The following ARAP1 variants were observed in gnomAD, a reference collection of about 807,000 sequenced individuals.
ARAP1 encodes the protein ArfGAP with RhoGAP domain, ankyrin repeat and PH domain 1.
A neutral mutation model predicts 172.2 loss-of-function variants in ARAP1; 76 were observed. The observed-to-expected ratio is 0.44, with a 90% CI of 0.37 to 0.53. The LOEUF (loss-of-function observed/expected upper bound fraction) is 0.53, where lower values mean the gene tolerates loss of function less well. ARAP1 is among the 20% of genes least tolerant of loss of function. The pLI is 0.00. For synonymous variants in ARAP1, 804 were observed against 803.3 expected, an observed-to-expected ratio of 1.00 and a Z score of -0.01; for missense variants, 1,686 against 1,977.5, an observed-to-expected ratio of 0.85 and a Z score of 2.80.
chr11:72,732,318 C>T (rs1857892292), intron 2 of ARAP1, among the ~76,000 whole-genome samples, 197 bp downstream of exon 2: 1 of 152,224 alleles, frequency 6.6e-6, no homozygotes, highest in African/African-American at 2.4e-5. Flanking sequence ...TACCCCCACC[C>T]TGTTCCAAGG....
chr11:72,717,579 C>T (rs1401734441), intron 3 of ARAP1, among the ~76,000 whole-genome samples: 1 of 152,242 alleles, frequency 6.6e-6, no homozygotes, highest in African/African-American at 2.4e-5. Context: ...GCATCTTGGG[C>T]AGCAGGCACG....
rs1857673767 is a variant in ARAP1, at chr11:72,725,908, ATC to A, written c.509+710_509+711del. Among the ~76,000 whole-genome samples the A allele has an allele frequency of 6.6e-6, 1 of 151,852 alleles. No homozygotes were observed. Among genetic ancestry groups the A allele is most frequent in the African/African-American group, 2.4e-5 (1 of 41,318 alleles). On this transcript the variant is annotated intron_variant, in intron 3 of 34. Coordinates refer to ENST00000393609, the MANE Select transcript of ARAP1 (RefSeq NM_001040118.3). The surrounding 1 kb of genome is among the most constrained non-coding windows in gnomAD (Gnocchi z 4.3). Reference sequence around the variant, plus strand: ...CAAATCTCCCTCACCCCAAACACATATCTACCCTGTCTGGGGATGCTCCCTGA... The same window carrying A: ...CAAATCTCCCTCACCCCAAACACATATACCCTGTCTGGGGATGCTCCCTGA...
chr11:72,721,404 G>A (rs1243983812), intron 3 of ARAP1, among the ~76,000 whole-genome samples: 6 of 152,204 alleles, frequency 3.9e-5, no homozygotes, highest in Non-Finnish European at 7.3e-5. Context: ...GAACTTGACA[G>A]TGAAATAAGC....
At chr11:72,751,780 C>T (rs761608474) in intron 1 of ARAP1, among the ~76,000 whole-genome samples, 9 of 152,074 alleles carry the variant, frequency 5.9e-5, no homozygotes, top group Non-Finnish European at 1.3e-4. Flanking sequence ...TAAGCCTGCT[C>T]TCTCCAGGCC....
Position 72,726,720 on chromosome 11 carries a change from G to A in ARAP1, c.409C>T (p.Pro137Ser). ...GGCAGCGGGGGCAGCACAGGGTCTG[G>A]GGCAGCTGTGGATGGGGTGGTGAAG... ...TCFTTPSTAA[P>S]DPVLPPLPAK... The change falls in exon 3 of 35, where the codon CCA becomes TCA. Residue 137 changes from proline to serine, a missense_variant. Physicochemically the swap from Pro to Ser is moderately conservative, Grantham distance 74 (BLOSUM62 -1). Transcript: ENST00000393609. The surrounding 1 kb of genome is among the most constrained non-coding windows in gnomAD (Gnocchi z 6.5). 6.5e-7 allele frequency: 1 copy of A among 1,549,222 alleles called. No individual in the cohort carries two copies.
At position 72,710,725 on chromosome 11, in the gene ARAP1, C is replaced by T. The variant is rs1271899166; in HGVS notation, c.1214-138G>A. Reference sequence around the variant, plus strand: ...CCATCATTTTGCTTGACTTCTCTGACTTGAACGAGCTCAGGCTCCAATCCC... The same window carrying T: ...CCATCATTTTGCTTGACTTCTCTGATTTGAACGAGCTCAGGCTCCAATCCC... On this transcript the variant is annotated intron_variant, in intron 9 of 34. Coordinates refer to ENST00000393609, the MANE Select transcript of ARAP1 (RefSeq NM_001040118.3). This position sits in a 1 kb window ranked among gnomAD's most constrained non-coding sequence, Gnocchi z 4.3. The T allele has an allele frequency of 9.5e-7, 1 of 1,053,328 alleles. No individual in the cohort carries two copies. The highest frequency in any genetic ancestry group is 1.3e-6 in the Non-Finnish European group (1 of 747,442). The allele number at this position is 1,053,328 out of a possible 1,614,324, so 65.2% of individuals were successfully genotyped here.
intron 16 of ARAP1, chr11:72,700,480 T>A (rs1282079496): frequency 1.3e-5 from 2 of 152,266 alleles, no homozygotes; most frequent in Non-Finnish European, 2.9e-5. Context: ...GAGCAATGTG[T>A]CCTCAGGCCT....
rs886586642 is a variant in ARAP1, at chr11:72,693,233, G to T, written c.3954+92C>A. 5.3e-5 allele frequency: 80 copies of T among 1,521,854 alleles called. No individual in the cohort carries two copies. The highest frequency in any genetic ancestry group is 6.7e-5 in the Non-Finnish European group (75 of 1,121,912). The allele number at this position is 1,521,854 out of a possible 1,614,324, so 94.3% of individuals were successfully genotyped here. On this transcript the variant is annotated intron_variant, in intron 29 of 34. Coordinates refer to ENST00000393609, the MANE Select transcript of ARAP1 (RefSeq NM_001040118.3). The surrounding 1 kb of genome is among the most constrained non-coding windows in gnomAD (Gnocchi z 4.6). Reference sequence around the variant, plus strand: ...GTGCCATCCTGAGAGCCTGTAACGGGAATATTTCCACTTGCAGACCAAGGG... The same window carrying T: ...GTGCCATCCTGAGAGCCTGTAACGGTAATATTTCCACTTGCAGACCAAGGG...
Position 72,688,461 on chromosome 11 carries a change from G to C in ARAP1, c.4064C>G (p.Pro1355Arg). 1 of 1,611,560 alleles carries C rather than the reference G, an allele frequency of 6.2e-7. No homozygotes were observed. The highest frequency in any genetic ancestry group is 8.5e-7 in the Non-Finnish European group (1 of 1,178,892). ...CTGCCCAGTCCCAGCTTACCAGGTG[G>C]GTGGCCTGAGTTTCTTCTTCACTCC... ...YLGVKKKLRP[P>R]TCWGFTVVHE... Residue 1355 changes from proline to arginine, a missense_variant, in exon 31 of 35, where the codon CCC (proline) becomes CGC (arginine). Physicochemically the swap from Pro to Arg is moderately radical, Grantham distance 103. Transcript: ENST00000393609.
At chr11:72,739,809 T>C (rs537910490) in intron 1 of ARAP1, among the ~76,000 whole-genome samples, 2 of 152,240 alleles carry the variant, frequency 1.3e-5, no homozygotes, top group Non-Finnish European at 2.9e-5. Flanking sequence ...GTAGCCAGGC[T>C]CTGGGCTAGA....
chr11:72,717,732 A>G (rs1210097798), intron 3 of ARAP1, among the ~76,000 whole-genome samples: 1 of 152,252 alleles, frequency 6.6e-6, no homozygotes, highest in Non-Finnish European at 1.5e-5. Flanking sequence ...AGCACTTGAC[A>G]TGGATTCTTC....
chr11:72,713,083 C>T (rs1279175558), intron 5 of ARAP1, 93 bp downstream of exon 5: 23 of 1,333,972 alleles, frequency 1.7e-5, no homozygotes, highest in Non-Finnish European at 2.4e-5. Flanking sequence ...GAAATGGCTG[C>T]CCACTCTCTG....
intron 1 of ARAP1, among the ~76,000 whole-genome samples, chr11:72,749,083 C>T (rs1343880192): frequency 6.6e-6 from 1 of 152,140 alleles, no homozygotes; most frequent in African/African-American, 2.4e-5. Context: ...GAAGAGCTGC[C>T]CGAGGGACTG....
intron 1 of ARAP1, among the ~76,000 whole-genome samples, chr11:72,738,922 C>T (rs1012242603): frequency 1.3e-5 from 2 of 152,214 alleles, no homozygotes; most frequent in African/African-American, 4.8e-5. Context: ...CCACCCTTGG[C>T]CCCCTCCCCG....
Position 72,710,078 on chromosome 11 carries a change from G to C in ARAP1, c.1417-102C>G. ...AAGGTGGTGCAACTCAGGGACTGGGGGGGGTGCCCAGGAGGGAGACAGCAG... is the reference window on the plus strand; with the variant it reads ...AAGGTGGTGCAACTCAGGGACTGGGCGGGGTGCCCAGGAGGGAGACAGCAG... On this transcript the variant is annotated intron_variant, in intron 10 of 34. Coordinates refer to ENST00000393609, the MANE Select transcript of ARAP1 (RefSeq NM_001040118.3). This position sits in a 1 kb window ranked among gnomAD's most constrained non-coding sequence, Gnocchi z 4.3. The C allele has an allele frequency of 9.1e-7, 1 of 1,097,416 alleles. No individual in the cohort carries two copies. Among genetic ancestry groups the C allele is most frequent in the South Asian group, 1.3e-5 (1 of 79,016 alleles). The allele number at this position is 1,097,416 out of a possible 1,614,324, so 68.0% of individuals were successfully genotyped here.
At chr11:72,722,402 G>A (rs532446883) in intron 3 of ARAP1, 1 of 973,510 alleles carries the variant, frequency 1.0e-6, no homozygotes, top group Non-Finnish European at 1.2e-6. Flanking sequence ...CCGCCCCCAG[G>A]CTGCACCCCC....
At chr11:72,691,536 C>T (rs1016869499) in intron 30 of ARAP1, among the ~76,000 whole-genome samples, 4 of 152,180 alleles carry the variant, frequency 2.6e-5, no homozygotes, top group East Asian at 3.8e-4. Flanking sequence ...AGAGAAGAGA[C>T]GGTGTTTCCC....
At chr11:72,714,427 A>C in intron 3 of ARAP1, 106 bp from the exon 4 acceptor site, 1 of 1,147,776 alleles carries the variant, frequency 8.7e-7, no homozygotes, top group Non-Finnish European at 1.2e-6. Flanking sequence ...GCACTACACA[A>C]ACTCACACAG....
intron 4 of ARAP1, among the ~76,000 whole-genome samples, chr11:72,713,933 A>G (rs1857158289): frequency 6.6e-6 from 1 of 151,952 alleles, no homozygotes; most frequent in Non-Finnish European, 1.5e-5. Flanking sequence ...CCATGGCCCC[A>G]CACTTAACGG....
Sources: allele counts gnomAD v4.1 joint callset (sites outside exome capture counted in the v4.1 genomes callset), GRCh38; gene constraint gnomAD v4.1.1; non-coding constraint Gnocchi (gnomAD v3.1); transcripts MANE v1.5; gene names NCBI Gene and HGNC (gene_info 2026-07-23, HGNC 2026-07-21).